NCKAP5: variants seen among roughly 807,000 people sequenced by gnomAD.
The protein encoded by NCKAP5 is nck-associated protein 5.
NCKAP5 carries 92 observed loss-of-function variants against 167.0 expected under a neutral mutation model. The ratio of observed to expected loss-of-function variants is 0.55; its 90% CI spans 0.47 to 0.66. The LOEUF is 0.66. Ranked by LOEUF, NCKAP5 falls within the 30% of genes least tolerant of loss-of-function variation. NCKAP5 has a pLI of 0.00. For synonymous variants in NCKAP5, 891 were observed against 877.4 expected, an observed-to-expected ratio of 1.02 and a Z score of -0.27; for missense variants, 2,378 against 2,315.0, an observed-to-expected ratio of 1.03 and a Z score of -0.56.
At chr2:133,426,220 A>G (rs1220863296) in intron 3 of NCKAP5, among the ~76,000 whole-genome samples, 1 of 152,104 alleles carries the variant, frequency 6.6e-6, no homozygotes, top group Non-Finnish European at 1.5e-5. Context: ...TGGTGAGGCG[A>G]AGTCACACCA....
chr2:132,956,825 G>A (rs1248623005), intron 8 of NCKAP5, among the ~76,000 whole-genome samples: 1 of 152,114 alleles, frequency 6.6e-6, no homozygotes, highest in East Asian at 1.9e-4. Flanking sequence ...CACTCAACAA[G>A]GATACCCTTG....
chr2:132,672,766 C>CA lies in NCKAP5; in HGVS notation c.*522dup, dbSNP rs1327799270. On this transcript the variant is annotated 3_prime_UTR_variant, in exon 20 of 20. Transcript: ENST00000409261. ...AATTTACAACTTCTGTACAAATATT[C>CA]AAAAAAAGTGCAAAATTAAGGATTC... 3 of 182,952 alleles carry CA rather than the reference C, an allele frequency of 1.6e-5. No homozygotes were observed. The highest frequency in any genetic ancestry group is 1.9e-4 in the East Asian group (1 of 5,294). 11.3% of individuals were successfully genotyped at this position (182,952 alleles called of 1,614,324 possible).
chr2:132,967,994 CAGA>C (rs143932252), intron 7 of NCKAP5, among the ~76,000 whole-genome samples: 1,731 of 152,144 alleles, frequency 0.011, 21 homozygotes, highest in African/African-American at 0.038. Flanking sequence ...GCATTCCCAG[CAGA>C]AGGACTAGCA....
intron 12 of NCKAP5, among the ~76,000 whole-genome samples, chr2:132,794,289 G>A (rs1489379588): frequency 8.2e-6 from 1 of 121,270 alleles, no homozygotes; most frequent in Non-Finnish European, 1.8e-5. Flanking sequence ...GAGAGAGAGA[G>A]AGAGAGAGAG....
At chr2:133,608,770 A>G in the NCKAP5 span, among the ~76,000 whole-genome samples, 1 of 152,154 alleles carries the variant, frequency 6.6e-6, no homozygotes. Flanking sequence ...ACTGTCCTCA[A>G]ACCCAAGTTC....
rs1482343493 is a variant in NCKAP5 at position 133,367,513 on chromosome 2, A to G, written c.70-64403T>C. 2.0e-5 allele frequency among the ~76,000 whole-genome samples: 3 copies of G among 152,192 alleles called. No individual in the cohort carries two copies. The East Asian group carries it at 5.8e-4, about 29-fold the overall frequency. ...GTTATTGTTGTTGTTGTTTTTTCAA[A>G]TTAGCTCAAACCAGGAAAACAAAGT... On this transcript the variant is annotated intron_variant, in intron 3 of 19. Coordinates refer to ENST00000409261, the MANE Select transcript of NCKAP5 (RefSeq NM_207363.3).
chr2:132,795,449 C>T (rs1263625449), intron 12 of NCKAP5, among the ~76,000 whole-genome samples: 1 of 152,136 alleles, frequency 6.6e-6, no homozygotes, highest in Non-Finnish European at 1.5e-5. Flanking sequence ...GATTACTACC[C>T]TGAATGATTC....
chr2:132,863,155 C>T (rs1690066044), intron 10 of NCKAP5, among the ~76,000 whole-genome samples: 1 of 152,186 alleles, frequency 6.6e-6, no homozygotes, highest in South Asian at 2.1e-4. Flanking sequence ...CAACCTCTGT[C>T]TGTGTCTCAT....
chr2:132,886,169 TA>T (rs56868856), intron 8 of NCKAP5, among the ~76,000 whole-genome samples: 26,811 of 135,802 alleles, frequency 0.2, 3,847 homozygotes, highest in East Asian at 0.43. Flanking sequence ...ACCTTTAAAT[TA>T]AAAAAATAAT....
intron 11 of NCKAP5, among the ~76,000 whole-genome samples, chr2:132,822,845 A>G (rs949246073): frequency 3.3e-5 from 5 of 152,192 alleles, no homozygotes; most frequent in East Asian, 1.9e-4. Flanking sequence ...AGAGAAATAG[A>G]TATCATAAAG....
chr2:132,700,337 C>T (rs992777172), intron 19 of NCKAP5, among the ~76,000 whole-genome samples: 70 of 152,190 alleles, frequency 4.6e-4, no homozygotes, highest in Non-Finnish European at 6.0e-4. Context: ...AATTAGATCC[C>T]ATTTGTCAAT....
chr2:132,840,189 G>A (rs575503969), intron 11 of NCKAP5, among the ~76,000 whole-genome samples: 1 of 152,012 alleles, frequency 6.6e-6, no homozygotes, highest in Non-Finnish European at 1.5e-5. Context: ...AGAACCAAGA[G>A]AGATCACTTT....
chr2:133,579,974 AC>A, the NCKAP5 span, among the ~76,000 whole-genome samples: 1 of 152,202 alleles, frequency 6.6e-6, no homozygotes, highest in African/African-American at 2.4e-5. Flanking sequence ...ACATGTCTAC[AC>A]AAAAAATAGA....
intron 6 of NCKAP5, among the ~76,000 whole-genome samples, chr2:133,000,386 G>A (rs2077738532): frequency 6.6e-6 from 1 of 152,116 alleles, no homozygotes; most frequent in South Asian, 2.1e-4. Flanking sequence ...TAGGAAACCT[G>A]ACACAACACA....
the NCKAP5 span, among the ~76,000 whole-genome samples, chr2:133,650,749 G>A: frequency 2.0e-5 from 3 of 152,132 alleles, no homozygotes; most frequent in Admixed American, 2.0e-4. Flanking sequence ...ACACGTGGTG[G>A]TGGGCGCCTG....
chr2:132,886,563 C>T (rs1167411753), intron 8 of NCKAP5, among the ~76,000 whole-genome samples: 2 of 152,208 alleles, frequency 1.3e-5, no homozygotes, highest in Admixed American at 1.3e-4. Context: ...TATAATTTCT[C>T]TTTAGCGTCC....
chr2:133,351,964 G>A (rs910617200), intron 3 of NCKAP5, among the ~76,000 whole-genome samples: 9 of 152,066 alleles, frequency 5.9e-5, no homozygotes, highest in Non-Finnish European at 1.2e-4. Context: ...TAAAATGTAA[G>A]TCACATCATG....
At chr2:133,524,438 A>T (rs1046673302) in intron 2 of NCKAP5, among the ~76,000 whole-genome samples, 2 of 152,218 alleles carry the variant, frequency 1.3e-5, no homozygotes, top group Non-Finnish European at 2.9e-5. Context: ...CCTTCTTTTC[A>T]TTAAGAAAAC....
intron 11 of NCKAP5, among the ~76,000 whole-genome samples, chr2:132,826,315 T>C (rs540910562): frequency 2.6e-5 from 4 of 152,354 alleles, no homozygotes; most frequent in South Asian, 4.1e-4. Context: ...CTTTGAATCA[T>C]TTAATTTTAT....
Sources: gnomAD v4.1 joint callset for allele counts (sites outside exome capture counted in the v4.1 genomes callset) on GRCh38, gnomAD v4.1.1 for gene constraint, MANE v1.5 for transcripts, NCBI Gene and HGNC (gene_info 2026-07-23, HGNC 2026-07-21) for gene names.